Variants in ITPRID1 observed in about 807,000 individuals in gnomAD.
ITPRID1 encodes the protein protein ITPRID1.
A neutral mutation model predicts 95.4 loss-of-function variants in ITPRID1; 96 were observed. The observed-to-expected ratio is 1.01, with a 90% CI of 0.85 to 1.19. ITPRID1 has a LOEUF of 1.19. Ranked by LOEUF, ITPRID1 falls within the 50% of genes most tolerant of loss-of-function variation. ITPRID1 has a pLI of 0.00. For missense variants in ITPRID1, 1,339 were observed against 1,252.9 expected (o/e 1.07, Z -1.04); for synonymous variants, 510 against 453.6 (o/e 1.12, Z -1.58).
chr7:31,563,943 G>A (rs1017174556), intron 5 of ITPRID1, among the ~76,000 whole-genome samples: 3 of 152,162 alleles, frequency 2.0e-5, no homozygotes, highest in Non-Finnish European at 4.4e-5. Flanking sequence ...AAATGTTGCT[G>A]ACTGCCTCTA....
At chr7:31,562,426 TC>T (rs1279235361) in intron 5 of ITPRID1, among the ~76,000 whole-genome samples, 2 of 152,174 alleles carry the variant, frequency 1.3e-5, no homozygotes, top group African/African-American at 4.8e-5. Context: ...TTATTTCTTC[TC>T]CCATCCCCAG....
chr7:31,657,632 C>T (rs1791363609), downstream of ITPRID1, among the ~76,000 whole-genome samples: 1 of 152,162 alleles, frequency 6.6e-6, no homozygotes, highest in Non-Finnish European at 1.5e-5. Context: ...GAATGATTAT[C>T]TGTGTAATCT....
intron 10 of ITPRID1, among the ~76,000 whole-genome samples, chr7:31,638,028 G>T (rs981792577): frequency 7.9e-5 from 12 of 152,066 alleles, no homozygotes; most frequent in Non-Finnish European, 1.8e-4. Context: ...CTTCAGGATG[G>T]GCTGCCCTCT....
intron 10 of ITPRID1, among the ~76,000 whole-genome samples, chr7:31,604,378 C>A (rs1310179194): frequency 6.6e-6 from 1 of 152,160 alleles, no homozygotes; most frequent in Non-Finnish European, 1.5e-5. Flanking sequence ...GATTTCAAAG[C>A]TTTGATTCTT....
chr7:31,576,816 C>T (rs1345892584), intron 8 of ITPRID1, among the ~76,000 whole-genome samples: 2 of 152,128 alleles, frequency 1.3e-5, no homozygotes, highest in Admixed American at 6.6e-5. Flanking sequence ...TTATGCAACC[C>T]CACATGCTAT....
chr7:31,609,596 T>C (rs1000747402), intron 10 of ITPRID1, among the ~76,000 whole-genome samples: 1 of 151,574 alleles, frequency 6.6e-6, no homozygotes, highest in East Asian at 1.9e-4. Context: ...TTCACAGTAT[T>C]TGTATAATTG....
At chr7:31,599,934 G>A (rs1306495101) in intron 10 of ITPRID1, among the ~76,000 whole-genome samples, 11 of 151,910 alleles carry the variant, frequency 7.2e-5, no homozygotes, top group East Asian at 1.9e-4. Context: ...TCCTGACCTC[G>A]TGATCCGCCG....
intron 10 of ITPRID1, among the ~76,000 whole-genome samples, chr7:31,587,939 G>A (rs1785690493): frequency 6.6e-6 from 1 of 152,154 alleles, no homozygotes; most frequent in Non-Finnish European, 1.5e-5. Flanking sequence ...CTAGCCATAT[G>A]TAGAAAGCTG....
At chr7:31,616,634 GTATCT>G (rs1327718756) in intron 10 of ITPRID1, among the ~76,000 whole-genome samples, 1 of 152,108 alleles carries the variant, frequency 6.6e-6, no homozygotes, top group Non-Finnish European at 1.5e-5. Flanking sequence ...GAAATAAATA[GTATCT>G]TAGATCATAA....
intron 10 of ITPRID1, among the ~76,000 whole-genome samples, chr7:31,619,824 G>A (rs4584052): frequency 0.54 from 82,631 of 151,998 alleles, 23,005 homozygotes; most frequent in East Asian, 0.84. Flanking sequence ...CTCGGGAAGC[G>A]CAAGGGGTCA....
chr7:31,616,466 TGATGTATTAA>T (rs1218839691), intron 10 of ITPRID1, among the ~76,000 whole-genome samples: 5 of 152,142 alleles, frequency 3.3e-5, no homozygotes, highest in East Asian at 1.9e-4. Flanking sequence ...TGTGTTAAAG[TGATGTATTAA>T]GATGTATTCT....
intron 5 of ITPRID1, among the ~76,000 whole-genome samples, chr7:31,565,218 C>T (rs1784756078): frequency 2.0e-5 from 3 of 152,112 alleles, no homozygotes; most frequent in Admixed American, 1.3e-4. Context: ...TCTCCCGGGA[C>T]CCTGGGAGCC....
intron 10 of ITPRID1, among the ~76,000 whole-genome samples, chr7:31,617,524 T>C (rs188000435): frequency 5.7e-4 from 87 of 152,250 alleles, no homozygotes; most frequent in East Asian, 1.9e-4. Flanking sequence ...AACTTCATTG[T>C]GAGTGGAGAT....
At chr7:31,559,818 T>C (rs553675129) in intron 5 of ITPRID1, among the ~76,000 whole-genome samples, 1 of 152,282 alleles carries the variant, frequency 6.6e-6, no homozygotes, top group South Asian at 2.1e-4. Context: ...AGCCTTAGAC[T>C]TAGGCTGGAG....
chr7:31,615,034 CAGTTTAATTTTATAGTAATTTTCTTA>C (rs1316770329), intron 10 of ITPRID1, among the ~76,000 whole-genome samples: 3 of 152,016 alleles, frequency 2.0e-5, no homozygotes, highest in African/African-American at 7.2e-5. Context: ...AATTTAGTTT[CAGTTTAATTTTATAGTAATTTTCTTA>C]AAGAGAATAA....
rs543204170 is a variant in ITPRID1, at chr7:31,599,641, CT to C, written c.1228+16453del. On this transcript the variant is annotated intron_variant, in intron 10 of 14. Transcript: ENST00000615280. ...TCTTTCTTTCTTTCTTTCTTTCTTT[CT>C]TTCTTTTTCTTTCTTTCCTTTCTCT... 2.9e-4 allele frequency among the ~76,000 whole-genome samples: 16 copies of C among 54,696 alleles called. 1 individual carries two copies. Among genetic ancestry groups the C allele is most frequent in the African/African-American group, 8.7e-4 (14 of 16,182 alleles). 35.9% of individuals were successfully genotyped at this position (54,696 alleles called of 152,430 possible). A position where few individuals can be genotyped will look rare whatever the true frequency, so the allele number is the denominator to read the frequency against.
chr7:31,569,915 G>T, intron 6 of ITPRID1, 106 bp downstream of exon 6: 1 of 884,954 alleles, frequency 1.1e-6, no homozygotes, highest in Non-Finnish European at 1.7e-6. Flanking sequence ...TAGCTCTTGG[G>T]ATCTCGTGAA....
chr7:31,531,912 A>G (rs1315354195), intron 1 of ITPRID1, among the ~76,000 whole-genome samples: 2 of 152,186 alleles, frequency 1.3e-5, no homozygotes, highest in African/African-American at 4.8e-5. Context: ...GGGCTATATT[A>G]CAATCACATA....
At chr7:31,634,344 A>G (rs1789285096) in intron 10 of ITPRID1, among the ~76,000 whole-genome samples, 1 of 152,258 alleles carries the variant, frequency 6.6e-6, no homozygotes, top group Non-Finnish European at 1.5e-5. Context: ...AATATTAATA[A>G]TGATGTCCTG....
Sources: allele counts gnomAD v4.1 joint callset (sites outside exome capture counted in the v4.1 genomes callset), GRCh38; gene constraint gnomAD v4.1.1; transcripts MANE v1.5; gene names NCBI Gene and HGNC (gene_info 2026-07-23, HGNC 2026-07-21).